The following ALMS1 variants were observed in gnomAD, a reference collection of about 807,000 sequenced individuals.
ALMS1 encodes the protein ALMS1 centrosome and basal body associated protein.
ALMS1 carries 271 observed loss-of-function variants against 352.2 expected under a neutral mutation model. That is an observed-to-expected ratio of 0.77 (90% CI 0.70 to 0.85). The LOEUF (loss-of-function observed/expected upper bound fraction) is 0.85, where lower values mean the gene tolerates loss of function less well. Among genes scored for constraint, ALMS1 ranks in the 40% least tolerant of loss-of-function variants. The pLI, the probability that ALMS1 is intolerant of heterozygous loss-of-function variation, is 0.00. For missense variants in ALMS1, 5,445 were observed against 4,870.7 expected (o/e 1.12, Z -3.51); for synonymous variants, 1,865 against 1,761.2 (o/e 1.06, Z -1.48).
intron 1 of ALMS1, 95 bp downstream of exon 1, chr2:73,386,287 A>T (rs1670528980): frequency 2.1e-6 from 3 of 1,404,748 alleles, no homozygotes; most frequent in Non-Finnish European, 2.8e-6. Flanking sequence ...ACGCCGCCTG[A>T]CGGAGAAAAC....
intron 10 of ALMS1, among the ~76,000 whole-genome samples, chr2:73,504,576 C>T (rs1216500420): frequency 6.6e-6 from 1 of 152,182 alleles, no homozygotes; most frequent in African/African-American, 2.4e-5. Flanking sequence ...AGCATACTCA[C>T]CTGGAGATCC....
In ALMS1 at chr2:73,452,710, G is replaced by C. The variant is rs200041852; in HGVS notation, c.6183G>C (p.Gln2061His). Residue 2061 changes from glutamine to histidine, a missense_variant, in exon 8 of 23, where the codon CAG (glutamine) becomes CAC (histidine). Coordinates refer to ENST00000613296, the MANE Select transcript of ALMS1 (RefSeq NM_001378454.1). Reference protein sequence around the residue: ...TVKPNILFQQQLPDRDQSKGI... With the variant: ...TVKPNILFQQHLPDRDQSKGI... ...AGCCCAATATTTTATTTCAACAGCA[G>C]TTGCCAGATAGAGATCAAAGTAAAG... The C allele has an allele frequency of 8.7e-5, 140 of 1,613,732 alleles. 1 individual carries two copies. Among genetic ancestry groups the C allele is most frequent in the Non-Finnish European group, 9.4e-5 (111 of 1,179,986 alleles).
rs992007737 is a variant in ALMS1, at chr2:73,518,437, G to A, written c.9540-1338G>A. 4.6e-5 allele frequency among the ~76,000 whole-genome samples: 7 copies of A among 152,262 alleles called. No individual in the cohort carries two copies. The East Asian group carries it at 7.7e-4, about 17-fold the overall frequency. ...TACTATAATGAACATTTGTGTGCAC[G>A]TGTCTTTATGGTAGAATGACATATA... is the stretch of plus-strand genomic sequence containing the variant. On this transcript the variant is annotated intron_variant, in intron 10 of 22. Coordinates refer to ENST00000613296, the MANE Select transcript of ALMS1 (RefSeq NM_001378454.1).
intron 21 of ALMS1, among the ~76,000 whole-genome samples, chr2:73,607,162 T>C (rs1030746872): frequency 6.6e-6 from 1 of 152,228 alleles, no homozygotes; most frequent in Admixed American, 6.5e-5. Flanking sequence ...ACACACTTTT[T>C]TCCCTCAAAT....
At chr2:73,483,586 G>A (rs1215824958) in intron 9 of ALMS1, among the ~76,000 whole-genome samples, 54 of 151,710 alleles carry the variant, frequency 3.6e-4, no homozygotes, top group Non-Finnish European at 6.3e-4. Context: ...ATGTCTATTA[G>A]GTCCACTTGG....
intron 9 of ALMS1, among the ~76,000 whole-genome samples, chr2:73,468,489 G>A (rs1328395872): frequency 1.3e-5 from 2 of 151,918 alleles, no homozygotes; most frequent in East Asian, 3.9e-4. Flanking sequence ...CCGTCTCCAA[G>A]ACTCTTTTCA....
intron 9 of ALMS1, among the ~76,000 whole-genome samples, chr2:73,461,999 A>T (rs6736118): frequency 1.3e-5 from 2 of 150,266 alleles, no homozygotes; most frequent in East Asian, 3.9e-4. Context: ...TGAAAGTGAC[A>T]GGGAGAATGG....
chr2:73,599,495 A>G lies in ALMS1; in HGVS notation c.11642A>G (p.His3881Arg). 6.2e-7 allele frequency: 1 copy of G among 1,613,686 alleles called. No homozygotes were observed. The highest frequency in any genetic ancestry group is 1.3e-5 in the African/African-American group (1 of 75,048). ...NSTFCNKQNV[H>R]MLNKGIQAGN... Reference sequence around the variant, plus strand: ...ACTTTTTGCAACAAGCAGAATGTACACATGTTAAACAAGGGCATACAAGCA... The same window carrying G: ...ACTTTTTGCAACAAGCAGAATGTACGCATGTTAAACAAGGGCATACAAGCA... Residue 3881 changes from histidine (H) to arginine (R), a missense_variant, in exon 17 of 23, where the codon CAC becomes CGC. His to Arg is a conservative substitution (Grantham distance 29, BLOSUM62 0). Transcript: ENST00000613296.
Position 73,417,732 on chromosome 2 carries a change from G to A in ALMS1, c.451-1391G>A, listed in dbSNP as rs1473087111. Among the ~76,000 whole-genome samples, 3 of 151,956 alleles carry A rather than the reference G, an allele frequency of 2.0e-5. 1 individual carries two copies. The highest frequency in any genetic ancestry group is 2.0e-4 in the Admixed American group (3 of 15,252). On this transcript the variant is annotated intron_variant, in intron 2 of 22. Transcript: ENST00000613296. The stretch of plus-strand genomic sequence containing the variant: ...TTGGGGAAAATGATGCTATAACATA[G>A]TTTGAGCTAATTTAGTGTTCATTTC...
At chr2:73,430,718 T>C (rs770386816) in intron 6 of ALMS1, among the ~76,000 whole-genome samples, 9 of 152,146 alleles carry the variant, frequency 5.9e-5, no homozygotes, top group Non-Finnish European at 1.2e-4. Context: ...GATAGGTTTG[T>C]ATCCTGGAAG....
chr2:73,608,779 G>C lies in ALMS1; in HGVS notation c.12462+205G>C, dbSNP rs28730865. On this transcript the variant is annotated intron_variant, in intron 22 of 22. Transcript: ENST00000613296. Reference sequence around the variant, plus strand: ...CAGGTTTAACTCCCCATCCATAATGGTGTAAGGCCCTTTCCATGCATTCGT... The same window carrying C: ...CAGGTTTAACTCCCCATCCATAATGCTGTAAGGCCCTTTCCATGCATTCGT... Among the ~76,000 whole-genome samples, 2,181 of 152,324 alleles carry C rather than the reference G, an allele frequency of 0.014. 56 individuals carry two copies. The highest frequency in any genetic ancestry group is 0.049 in the African/African-American group (2,052 of 41,568).
chr2:73,560,401 C>T (rs1044591651), intron 15 of ALMS1, among the ~76,000 whole-genome samples: 4 of 151,972 alleles, frequency 2.6e-5, no homozygotes, highest in East Asian at 1.9e-4. Flanking sequence ...AGCAAATGTT[C>T]GTGAGGATGC....
At chr2:73,510,027 A>G (rs929831347) in intron 10 of ALMS1, among the ~76,000 whole-genome samples, 2 of 152,160 alleles carry the variant, frequency 1.3e-5, no homozygotes, top group Non-Finnish European at 2.9e-5. Context: ...ATACTTATGT[A>G]TGCTTCTCGA....
chr2:73,424,510 C>T lies in ALMS1; in HGVS notation c.845C>T (p.Ala282Val). Residue 282 changes from alanine to valine, a missense_variant, in exon 5 of 23, where the codon GCA (alanine) becomes GTA (valine). By Grantham distance (64) the Ala-to-Val change is moderately conservative. Transcript: ENST00000613296. Reference protein sequence around the residue: ...EVSEALFQATAEVASDLASSR... With the variant: ...EVSEALFQATVEVASDLASSR... Reference sequence around the variant, plus strand: ...AGTGAAGCTTTATTCCAGGCTACTGCAGAAGTAGCTTCAGACTTAGCAAGC... The same window carrying T: ...AGTGAAGCTTTATTCCAGGCTACTGTAGAAGTAGCTTCAGACTTAGCAAGC... 1 of 1,609,458 alleles carries T rather than the reference C, an allele frequency of 6.2e-7. No homozygotes were observed. The highest frequency in any genetic ancestry group is 8.5e-7 in the Non-Finnish European group (1 of 1,177,510).
At chr2:73,586,011 C>T (rs187953428) in intron 16 of ALMS1, among the ~76,000 whole-genome samples, 199 of 152,254 alleles carry the variant, frequency 1.3e-3, no homozygotes, top group Non-Finnish European at 2.2e-3. Flanking sequence ...CCACCTGCCT[C>T]GGCCTCCCAA....
In ALMS1 at chr2:73,452,558, T is replaced by C. The variant is rs758066822; in HGVS notation, c.6031T>C (p.Phe2011Leu). The change falls in exon 8 of 23, where the codon TTT becomes CTT. Residue 2011 changes from phenylalanine (F) to leucine (L), a missense_variant. By Grantham distance (22) the Phe-to-Leu change is conservative (BLOSUM62 0). Transcript: ENST00000613296. Reference protein sequence around the residue: ...VHIPDDQKTEFPAATLSSYSQ... With the variant: ...VHIPDDQKTELPAATLSSYSQ... The stretch of plus-strand genomic sequence containing the variant: ...TATACCAGATGACCAGAAAACTGAG[T>C]TTCCAGCAGCTACCCTTAGTTCCTA... 39 of 1,613,632 alleles carry C rather than the reference T, an allele frequency of 2.4e-5. No individual in the cohort carries two copies. The highest frequency in any genetic ancestry group is 3.2e-5 in the Non-Finnish European group (38 of 1,179,890).
chr2:73,516,943 G>A (rs1416459720), intron 10 of ALMS1, among the ~76,000 whole-genome samples: 1 of 152,032 alleles, frequency 6.6e-6, no homozygotes, highest in African/African-American at 2.4e-5. Context: ...GAGAGCTGAT[G>A]TGTGTTTGTC....
chr2:73,586,285 T>C (rs1414002644), intron 16 of ALMS1, among the ~76,000 whole-genome samples: 1 of 152,212 alleles, frequency 6.6e-6, no homozygotes, highest in Non-Finnish European at 1.5e-5. Flanking sequence ...TTTTGTTGCA[T>C]TTACTTTTGG....
At chr2:73,499,749 GT>G (rs1373579626) in intron 10 of ALMS1, among the ~76,000 whole-genome samples, 1 of 152,164 alleles carries the variant, frequency 6.6e-6, no homozygotes, top group Middle Eastern at 3.2e-3. Flanking sequence ...AAAGAGAGAT[GT>G]TTGGGTTATG....
Sources: gnomAD v4.1 joint callset for allele counts (sites outside exome capture counted in the v4.1 genomes callset) on GRCh38, gnomAD v4.1.1 for gene constraint, MANE v1.5 for transcripts, NCBI Gene and HGNC (gene_info 2026-07-23, HGNC 2026-07-21) for gene names.